Variants in NSMCE2 observed in about 807,000 individuals in gnomAD.
The protein encoded by NSMCE2 is NSE2 SUMO ligase component of SMC5/6 complex.
NSMCE2 carries 24 observed loss-of-function variants against 23.8 expected under a neutral mutation model. The observed-to-expected ratio is 1.01, with a 90% CI of 0.73 to 1.42. The LOEUF is 1.42. NSMCE2 is among the 40% of genes most tolerant of loss of function. The pLI is 0.00. For missense variants in NSMCE2, 284 were observed against 296.5 expected (o/e 0.96, Z 0.31); for synonymous variants, 92 against 94.1 (o/e 0.98, Z 0.13).
At position 125,135,630 on chromosome 8, in the gene NSMCE2, A is replaced by G. The variant is rs111524934; in HGVS notation, c.158-15541A>G. ...TTCTTTTTTTTTTCTTTGCATGTGG[A>G]TAGCCAATTGTCCTAGCACCATTTG... On this transcript the variant is annotated intron_variant, in intron 3 of 7. Transcript: ENST00000287437. 1.6e-3 allele frequency among the ~76,000 whole-genome samples: 243 copies of G among 151,860 alleles called. 1 individual carries two copies. Among genetic ancestry groups the G allele is most frequent in the African/African-American group, 5.4e-3 (225 of 41,386 alleles).
intron 7 of NSMCE2, among the ~76,000 whole-genome samples, chr8:125,358,834 G>A (rs1813400138): frequency 6.6e-6 from 1 of 152,188 alleles, no homozygotes; most frequent in African/African-American, 2.4e-5. Flanking sequence ...GGAGACTAAA[G>A]ATATCTTGAT....
At chr8:125,191,108 G>T (rs935139290) in intron 5 of NSMCE2, among the ~76,000 whole-genome samples, 3 of 152,100 alleles carry the variant, frequency 2.0e-5, no homozygotes, top group Non-Finnish European at 4.4e-5. Context: ...CTGACCTCAG[G>T]TGATCCACCC....
intron 3 of NSMCE2, among the ~76,000 whole-genome samples, chr8:125,144,056 A>G (rs1196357001): frequency 1.3e-5 from 2 of 152,086 alleles, no homozygotes; most frequent in African/African-American, 2.4e-5. Context: ...AGAGGGGGGG[A>G]AAGTCCTTAT....
At chr8:125,361,042 A>G (rs1238863923) in intron 7 of NSMCE2, among the ~76,000 whole-genome samples, 1 of 151,484 alleles carries the variant, frequency 6.6e-6, no homozygotes, top group African/African-American at 2.4e-5. Flanking sequence ...TTATTCTCTT[A>G]AAAATAAAGC....
chr8:125,154,829 G>A (rs1458364609), intron 4 of NSMCE2, among the ~76,000 whole-genome samples: 2 of 151,954 alleles, frequency 1.3e-5, no homozygotes, highest in African/African-American at 2.4e-5. Flanking sequence ...GTTTCATATT[G>A]AGAACAGAAT....
At chr8:125,366,617 A>T (rs532543975) in intron 7 of NSMCE2, 151 bp from the exon 8 acceptor site, 4 of 626,218 alleles carry the variant, frequency 6.4e-6, no homozygotes, top group East Asian at 5.4e-5. Context: ...TCAGGTAGGG[A>T]CTCAGTGAAT....
chr8:125,162,083 T>C (rs534954465), intron 4 of NSMCE2, among the ~76,000 whole-genome samples: 1 of 152,266 alleles, frequency 6.6e-6, no homozygotes, highest in South Asian at 2.1e-4. Context: ...AAATACTAAA[T>C]AGGAACTTTA....
At chr8:125,234,686 G>A (rs1388219502) in intron 5 of NSMCE2, among the ~76,000 whole-genome samples, 1 of 152,046 alleles carries the variant, frequency 6.6e-6, no homozygotes, top group Non-Finnish European at 1.5e-5. Context: ...CATCAAACCA[G>A]TTATAAACTC....
intron 5 of NSMCE2, among the ~76,000 whole-genome samples, chr8:125,281,543 G>A (rs190382690): frequency 4.6e-5 from 7 of 152,128 alleles, no homozygotes; most frequent in South Asian, 4.1e-4. Context: ...GGGTTCAACC[G>A]ATTCTCTTGC....
chr8:125,323,788 T>A (rs1829542778), intron 5 of NSMCE2, among the ~76,000 whole-genome samples: 1 of 152,178 alleles, frequency 6.6e-6, no homozygotes, highest in African/African-American at 2.4e-5. Context: ...TCCACATTTT[T>A]AAAAATTATA....
At chr8:125,273,266 T>C (rs942509619) in intron 5 of NSMCE2, among the ~76,000 whole-genome samples, 2 of 152,170 alleles carry the variant, frequency 1.3e-5, no homozygotes, top group Non-Finnish European at 2.9e-5. Context: ...CACTGACAAA[T>C]ATGGGAAGGT....
chr8:125,357,814 G>T lies in NSMCE2; in HGVS notation c.622G>T (p.Ala208Ser). Residue 208 changes from alanine to serine, a missense_variant, in exon 7 of 8, where the codon GCC becomes TCC. Ala to Ser is a moderately conservative substitution (Grantham distance 99). Around this residue, in one of 2 missense-constraint regions of NSMCE2, gnomAD observed 102 missense variants for 141.0 expected, o/e 0.72. Transcript: ENST00000287437. The stretch of plus-strand genomic sequence containing the variant: ...GTCCAGGCAAAAGCGGAAGAAAAAG[G>T]CCTAGTGAGTGGACGCAGGGAAGGA... Reference protein sequence around the residue: ...IESRQKRKKKAYCPQIGCSHT... With the variant: ...IESRQKRKKKSYCPQIGCSHT... The T allele has an allele frequency of 3.1e-6, 5 of 1,610,416 alleles. No individual in the cohort carries two copies. The highest frequency in any genetic ancestry group is 4.2e-6 in the Non-Finnish European group (5 of 1,176,598).
chr8:125,121,857 G>GT (rs1316768718), intron 3 of NSMCE2, among the ~76,000 whole-genome samples: 1 of 152,136 alleles, frequency 6.6e-6, no homozygotes, highest in Non-Finnish European at 1.5e-5. Context: ...ACTATATACT[G>GT]TATCTCTGAA....
At chr8:125,130,023 G>GT (rs1477999068) in intron 3 of NSMCE2, among the ~76,000 whole-genome samples, 1 of 152,002 alleles carries the variant, frequency 6.6e-6, no homozygotes, top group African/African-American at 2.4e-5. Context: ...TTTAAAGAAC[G>GT]TTGTCTGGGA....
At chr8:125,096,702 C>G (rs1817954528) in intron 1 of NSMCE2, among the ~76,000 whole-genome samples, 1 of 146,152 alleles carries the variant, frequency 6.8e-6, no homozygotes, top group Non-Finnish European at 1.5e-5. Flanking sequence ...CTGCTGCCTC[C>G]AGGATTCAAG....
In NSMCE2 at chr8:125,264,879, T is replaced by G. The variant is rs77762142; in HGVS notation, c.418+82623T>G. Among the ~76,000 whole-genome samples the G allele has an allele frequency of 2.0e-3, 298 of 152,294 alleles. 3 individuals carry two copies. Among genetic ancestry groups the G allele is most frequent in the African/African-American group, 6.6e-3 (273 of 41,556 alleles). On this transcript the variant is annotated intron_variant, in intron 5 of 7. Transcript: ENST00000287437. ...ACCTTGACACATGCAAATATCTCATTTAATCTTCACAACAACCCTGGGAAT... is the reference window on the plus strand; with the variant it reads ...ACCTTGACACATGCAAATATCTCATGTAATCTTCACAACAACCCTGGGAAT...
chr8:125,226,700 G>A (rs1294318188), intron 5 of NSMCE2, among the ~76,000 whole-genome samples: 4 of 152,166 alleles, frequency 2.6e-5, no homozygotes, highest in African/African-American at 9.7e-5. Context: ...GTGAAGAGGT[G>A]GAGAGGAGAG....
At chr8:125,143,132 G>A (rs947570721) in intron 3 of NSMCE2, among the ~76,000 whole-genome samples, 2 of 152,024 alleles carry the variant, frequency 1.3e-5, no homozygotes. Flanking sequence ...AGAGGTAGGT[G>A]CATGTATAGA....
At chr8:125,205,416 T>C (rs980117298) in intron 5 of NSMCE2, among the ~76,000 whole-genome samples, 1 of 152,204 alleles carries the variant, frequency 6.6e-6, no homozygotes, top group South Asian at 2.1e-4. Flanking sequence ...AATATTCAAC[T>C]CATAATCTAA....
Sources: allele counts gnomAD v4.1 joint callset (sites outside exome capture counted in the v4.1 genomes callset), GRCh38; gene constraint gnomAD v4.1.1; regional missense constraint gnomAD v4.1.1; transcripts MANE v1.5; gene names NCBI Gene and HGNC (gene_info 2026-07-23, HGNC 2026-07-21).